Variants in SQLE observed in about 807,000 individuals in gnomAD.
SQLE encodes the protein squalene epoxidase, also known as squalene monooxygenase.
In SQLE, 29 loss-of-function variants were observed where a neutral mutation model predicts 60.7. That is an observed-to-expected ratio of 0.48 (90% CI 0.36 to 0.65). The LOEUF is 0.65. Among genes scored for constraint, SQLE ranks in the 30% least tolerant of loss-of-function variants. The pLI is 0.00. For missense variants in SQLE, 605 were observed against 684.1 expected (o/e 0.88, Z 1.29); for synonymous variants, 237 against 246.8 (o/e 0.96, Z 0.37).
intron 7 of SQLE, among the ~76,000 whole-genome samples, chr8:125,012,137 C>A (rs1015523531): frequency 6.6e-6 from 1 of 151,994 alleles, no homozygotes; most frequent in Non-Finnish European, 1.5e-5. Context: ...GTGGCACTTT[C>A]AAGGAACTCA....
intron 6 of SQLE, among the ~76,000 whole-genome samples, chr8:125,010,695 T>C (rs189963117): frequency 5.3e-4 from 80 of 152,294 alleles, no homozygotes; most frequent in Admixed American, 7.8e-4. Context: ...GGGGAAATTA[T>C]GAATATTTAT....
chr8:124,999,721 G>T, intron 1 of SQLE, 27 bp downstream of exon 1: 1 of 1,543,258 alleles, frequency 6.5e-7, no homozygotes, highest in Non-Finnish European at 8.7e-7. Context: ...GCGGGCAGAT[G>T]AATGTCTTAT....
intron 7 of SQLE, among the ~76,000 whole-genome samples, chr8:125,015,774 G>T (rs1815101418): frequency 1.3e-5 from 2 of 152,146 alleles, no homozygotes; most frequent in South Asian, 2.1e-4. Flanking sequence ...GGCATTTCTT[G>T]TGGGAAAGTT....
rs756378989 is a variant in SQLE, at chr8:125,005,700, G to C, written c.720G>C (p.Glu240Asp). 2 of 1,566,590 alleles carry C rather than the reference G, an allele frequency of 1.3e-6. No individual in the cohort carries two copies. The highest frequency in any genetic ancestry group is 2.4e-5 in the South Asian group (2 of 85,044). The change falls in exon 3 of 11, where the codon GAG becomes GAC. Residue 240 changes from glutamate (E) to aspartate (D), a missense_variant. By Grantham distance (45) the Glu-to-Asp change is conservative. Coordinates refer to ENST00000265896, the MANE Select transcript of SQLE (RefSeq NM_003129.4). ...IMSLRKAAMA[E>D]PNAKFIEGVV... ...GTCTCCGGAAAGCAGCTATGGCAGA[G>C]CCCAAGTAAGACCACAGTTTCAAAT...
rs1255529303 is a variant in SQLE at position 125,009,229 on chromosome 8, G to T, written c.994G>T (p.Val332Phe). ...AELILANPSP[V>F]LIYQISSSET... is the part of the protein sequence containing the mutation. ...ACTTATTTTAGCTAACCCGAGTCCAGTTCTCATCTACCAGATTTCATCCAG... is the reference window on the plus strand; with the variant it reads ...ACTTATTTTAGCTAACCCGAGTCCATTTCTCATCTACCAGATTTCATCCAG... Residue 332 changes from valine (V) to phenylalanine (F), a missense_variant, in exon 6 of 11, where the codon GTT (valine) becomes TTT (phenylalanine). Physicochemically the swap from Val to Phe is conservative, Grantham distance 50. Transcript: ENST00000265896. 1 of 1,613,762 alleles carries T rather than the reference G, an allele frequency of 6.2e-7. No homozygotes were observed. The highest frequency in any genetic ancestry group is 8.5e-7 in the Non-Finnish European group (1 of 1,179,862).
At chr8:125,003,802 A>G (rs936740589) in intron 2 of SQLE, among the ~76,000 whole-genome samples, 6 of 146,002 alleles carry the variant, frequency 4.1e-5, no homozygotes. Context: ...TTTAAGCACC[A>G]TTCATCCATT....
rs1297811185 is a variant in SQLE, at chr8:124,999,261, G to A, written c.-143G>A. On this transcript the variant is annotated 5_prime_UTR_variant, in exon 1 of 11. Transcript: ENST00000265896. ...TGATTTTTAAAAACTGGTCTGATCG[G>A]ACTTCTCGTCCTGGGACACTGTTTA... is the stretch of plus-strand genomic sequence containing the variant. The A allele has an allele frequency of 1.4e-6, 1 of 725,562 alleles. No individual in the cohort carries two copies. The allele number at this position is 725,562 out of a possible 1,614,324, so 44.9% of individuals were successfully genotyped here.
Position 124,999,243 on chromosome 8 carries a change from TA to T in SQLE, c.-156del. On this transcript the variant is annotated 5_prime_UTR_variant, in exon 1 of 11. The change abolishes the stop of an existing upstream ORF in the 5' untranslated region. Coordinates refer to ENST00000265896, the MANE Select transcript of SQLE (RefSeq NM_003129.4). ...TTTTACACTAACTTTATATGATTTT[TA>T]AAAACTGGTCTGATCGGACTTCTCG... is the stretch of plus-strand genomic sequence containing the variant. 1.7e-6 allele frequency: 1 copy of T among 592,236 alleles called. No homozygotes were observed. The highest frequency in any genetic ancestry group is 2.5e-6 in the Non-Finnish European group (1 of 398,234). The allele number at this position is 592,236 out of a possible 1,614,324, so 36.7% of individuals were successfully genotyped here.
chr8:124,998,637 T>A lies in SQLE; in HGVS notation c.-767T>A. The A allele has an allele frequency of 1.5e-6, 1 of 678,516 alleles. No individual in the cohort carries two copies. Among genetic ancestry groups the A allele is most frequent in the South Asian group, 1.5e-5 (1 of 65,316 alleles). The allele number at this position is 678,516 out of a possible 1,614,324, so 42.0% of individuals were successfully genotyped here. ...AAGCCGTCGGGAGCCGCCGCCGCCA[T>A]CTGAGGGAGGTACCCTGGAAACCAC... On this transcript the variant is annotated 5_prime_UTR_variant, in exon 1 of 11. Coordinates refer to ENST00000265896, the MANE Select transcript of SQLE (RefSeq NM_003129.4).
chr8:125,012,892 A>G (rs1424804490), intron 7 of SQLE, among the ~76,000 whole-genome samples: 1 of 152,140 alleles, frequency 6.6e-6, no homozygotes, highest in Non-Finnish European at 1.5e-5. Flanking sequence ...GTGAGTTCTA[A>G]TTTCTCCACA....
Position 125,008,978 on chromosome 8 carries a change from A to G in SQLE, c.830A>G (p.His277Arg). 1.9e-6 allele frequency: 3 copies of G among 1,569,822 alleles called. No homozygotes were observed. Among genetic ancestry groups the G allele is most frequent in the East Asian group, 2.2e-5 (1 of 44,486 alleles). Residue 277 changes from histidine to arginine, a missense_variant, in exon 5 of 11, where the codon CAT (histidine) becomes CGT (arginine). Transcript: ENST00000265896. The stretch of plus-strand genomic sequence containing the variant: ...TCTTCATTTCTGTTATAGGAACTCC[A>G]TGCTCCACTGACTGTTGTTGCAGAT... ...DKETGDIKELHAPLTVVADGL... is the reference protein window; with the variant it reads ...DKETGDIKELRAPLTVVADGL...
At chr8:125,007,302 A>G (rs1814968121) in intron 3 of SQLE, 89 bp from the exon 4 acceptor site, 1 of 946,348 alleles carries the variant, frequency 1.1e-6, no homozygotes, top group African/African-American at 1.7e-5. Flanking sequence ...TGTCCAGTTT[A>G]TATGGATAAA....
intron 4 of SQLE, among the ~76,000 whole-genome samples, chr8:125,007,930 CAGTAA>C (rs1814980360): frequency 1.3e-5 from 2 of 152,050 alleles, no homozygotes; most frequent in South Asian, 4.1e-4. Context: ...GTTTTTGAAA[CAGTAA>C]TATACATCAG....
intron 1 of SQLE, among the ~76,000 whole-genome samples, chr8:125,002,729 C>T (rs761595901): frequency 1.3e-5 from 2 of 151,986 alleles, no homozygotes; most frequent in Non-Finnish European, 2.9e-5. Flanking sequence ...TAAAAGGTGC[C>T]GAATAGTTTG....
intron 7 of SQLE, among the ~76,000 whole-genome samples, chr8:125,014,231 T>C (rs922466802): frequency 2.6e-5 from 4 of 152,350 alleles, no homozygotes; most frequent in Middle Eastern, 3.4e-3. Context: ...GTGAAATCTC[T>C]TGATGTAAAT....
At position 124,998,518 on chromosome 8, in the gene SQLE, C is replaced by G. The variant is rs893599292; in HGVS notation, c.-886C>G. 3 of 657,084 alleles carry G rather than the reference C, an allele frequency of 4.6e-6. No homozygotes were observed. Among genetic ancestry groups the G allele is most frequent in the Admixed American group, 4.4e-5 (2 of 45,418 alleles). The allele number at this position is 657,084 out of a possible 1,614,324, so 40.7% of individuals were successfully genotyped here. A position where few individuals can be genotyped will look rare whatever the true frequency, so the allele number is the denominator to read the frequency against. ...GCCCAGCTGGCTGAGACGCGTGGAG[C>G]CTGGCGGCGAGTGGGGGCGTGCGAC... On this transcript the variant is annotated 5_prime_UTR_variant, in exon 1 of 11. Coordinates refer to ENST00000265896, the MANE Select transcript of SQLE (RefSeq NM_003129.4).
intron 6 of SQLE, 62 bp downstream of exon 6, chr8:125,009,405 T>G: frequency 2.1e-6 from 3 of 1,420,492 alleles, no homozygotes; most frequent in African/African-American, 1.4e-5. Context: ...GAGATAAGGA[T>G]GGCAGGTGAA....
At chr8:125,002,548 A>AT (rs1814871804) in intron 1 of SQLE, among the ~76,000 whole-genome samples, 1 of 152,146 alleles carries the variant, frequency 6.6e-6, no homozygotes, top group African/African-American at 2.4e-5. Context: ...ATGGTTGCAC[A>AT]TGCCTATAAT....
chr8:125,020,430 C>T (rs1236791435), intron 9 of SQLE, among the ~76,000 whole-genome samples: 2 of 152,174 alleles, frequency 1.3e-5, no homozygotes, highest in African/African-American at 2.4e-5. Flanking sequence ...GGTTGGACAT[C>T]TTAGAGACTG....
Sources: gnomAD v4.1 joint callset for allele counts (sites outside exome capture counted in the v4.1 genomes callset) on GRCh38, gnomAD v4.1.1 for gene constraint, MANE v1.5 for transcripts, NCBI Gene and HGNC (gene_info 2026-07-23, HGNC 2026-07-21) for gene names.